Variants in VPS26A observed in about 807,000 individuals in gnomAD.
The protein encoded by VPS26A is vacuolar protein sorting-associated protein 26A.
Under a neutral mutation model 42.4 loss-of-function variants are expected in VPS26A, and 22 were observed. The observed-to-expected ratio is 0.52, with a 90% CI of 0.37 to 0.74. VPS26A has a LOEUF of 0.74. Ranked by LOEUF, VPS26A falls within the 30% of genes least tolerant of loss-of-function variation. VPS26A has a pLI of 0.00. For missense variants in VPS26A, 276 were observed against 379.2 expected, an observed-to-expected ratio of 0.73 and a Z score of 2.26; for synonymous variants, 110 against 123.5, an observed-to-expected ratio of 0.89 and a Z score of 0.73.
At chr10:69,125,606 A>T (rs545267566) in intron 1 of VPS26A, among the ~76,000 whole-genome samples, 2 of 152,348 alleles carry the variant, frequency 1.3e-5, no homozygotes, top group South Asian at 4.1e-4. Context: ...ATTTGTAATT[A>T]TTACTTTTAA....
chr10:69,156,683 T>C (rs1841435147), intron 3 of VPS26A, among the ~76,000 whole-genome samples: 1 of 152,174 alleles, frequency 6.6e-6, no homozygotes, highest in Non-Finnish European at 1.5e-5. Context: ...TAAAGCAAAA[T>C]AGAATTTTTG....
chr10:69,144,414 A>AT (rs1436044713), intron 2 of VPS26A, among the ~76,000 whole-genome samples: 1 of 152,144 alleles, frequency 6.6e-6, no homozygotes, highest in African/African-American at 2.4e-5. Context: ...TCACCTAGTC[A>AT]TGCCGCTCTG....
At chr10:69,160,459 ATT>A (rs749497920) in intron 5 of VPS26A, among the ~76,000 whole-genome samples, 5 of 134,200 alleles carry the variant, frequency 3.7e-5, no homozygotes, top group Non-Finnish European at 4.8e-5. Context: ...CGCCCAACAT[ATT>A]TTTTTTTTTT....
chr10:69,154,268 G>A (rs1841381669), intron 2 of VPS26A, among the ~76,000 whole-genome samples: 1 of 152,150 alleles, frequency 6.6e-6, no homozygotes, highest in African/African-American at 2.4e-5. Context: ...TGGGCGTGAT[G>A]ACTCATGCCT....
intron 2 of VPS26A, among the ~76,000 whole-genome samples, chr10:69,146,518 T>G (rs1184241513): frequency 6.6e-6 from 1 of 152,218 alleles, no homozygotes; most frequent in Non-Finnish European, 1.5e-5. Context: ...AGCTACTATA[T>G]TTCCAAAATT....
Position 69,173,996 on chromosome 10 carries a change from C to G in VPS26A, c.*2727C>G, listed in dbSNP as rs1015904280. 2.6e-5 allele frequency among the ~76,000 whole-genome samples: 4 copies of G among 152,162 alleles called. No homozygotes were observed. The highest frequency in any genetic ancestry group is 9.7e-5 in the African/African-American group (4 of 41,438). Reference sequence around the variant, plus strand: ...CTAGAAGTTTGTAAAATGGACCAACCAGTGTTCTGTAGAATGGACCAATCA... The same window carrying G: ...CTAGAAGTTTGTAAAATGGACCAACGAGTGTTCTGTAGAATGGACCAATCA... On this transcript the variant is annotated 3_prime_UTR_variant, in exon 9 of 9. Transcript: ENST00000263559.
chr10:69,133,729 C>G (rs1378098171), intron 2 of VPS26A: 27 of 611,304 alleles, frequency 4.4e-5, no homozygotes, highest in Non-Finnish European at 1.5e-5. Flanking sequence ...GTTGCTCAAG[C>G]TGGAGTGCAG....
intron 4 of VPS26A, 104 bp from the exon 5 acceptor site, chr10:69,157,943 C>G (rs1193542175): frequency 1.9e-6 from 2 of 1,029,090 alleles, no homozygotes; most frequent in African/African-American, 3.3e-5. Context: ...CAAAGGAGTT[C>G]CAGCAAGGAG....
chr10:69,138,617 G>T (rs1253002961), intron 2 of VPS26A, among the ~76,000 whole-genome samples: 2 of 152,176 alleles, frequency 1.3e-5, no homozygotes, highest in Admixed American at 6.5e-5. Flanking sequence ...TCAGTGGATA[G>T]ATGGGGAGAG....
intron 1 of VPS26A, among the ~76,000 whole-genome samples, chr10:69,130,796 T>C (rs1289012135): frequency 6.6e-6 from 1 of 152,234 alleles, no homozygotes; most frequent in Non-Finnish European, 1.5e-5. Context: ...TGTGTATTCC[T>C]TTTGTGTCTG....
chr10:69,157,020 C>T lies in VPS26A; in HGVS notation c.243C>T (p.Asp81=). ...AAAATTTCTCAGAACTTTTCAATGA[C>T]AAGAGTAATACTCATGAATTTGTAA... The part of the protein sequence containing the change: ...EFVGQIELFN[D]KSNTHEFVNL... Residue 81 remains aspartate, a synonymous_variant, in exon 4 of 9, where the codon GAC becomes GAT. Transcript: ENST00000263559. 1 of 1,595,240 alleles carries T rather than the reference C, an allele frequency of 6.3e-7. No individual in the cohort carries two copies. The highest frequency in any genetic ancestry group is 8.5e-7 in the Non-Finnish European group (1 of 1,171,620).
At position 69,174,232 on chromosome 10, in the gene VPS26A, C is replaced by G. The variant is rs1841884346; in HGVS notation, c.*2963C>G. Among the ~76,000 whole-genome samples the G allele has an allele frequency of 6.6e-6, 1 of 151,978 alleles. No individual in the cohort carries two copies. The highest frequency in any genetic ancestry group is 2.4e-5 in the African/African-American group (1 of 41,386). On this transcript the variant is annotated 3_prime_UTR_variant, in exon 9 of 9. Coordinates refer to ENST00000263559, the MANE Select transcript of VPS26A (RefSeq NM_004896.5). Reference sequence around the variant, plus strand: ...CCACGGCTCCGTTAAGTCAGCGAGACCGCAAACCCACTGGAAGGAACCAAC... The same window carrying G: ...CCACGGCTCCGTTAAGTCAGCGAGAGCGCAAACCCACTGGAAGGAACCAAC...
intron 2 of VPS26A, among the ~76,000 whole-genome samples, chr10:69,140,983 G>T (rs1376946485): frequency 6.6e-6 from 1 of 152,012 alleles, no homozygotes; most frequent in Non-Finnish European, 1.5e-5. Flanking sequence ...TTATGTTTTG[G>T]GATTGTGGGA....
Position 69,124,282 on chromosome 10 carries a change from T to C in VPS26A, c.3+2T>C. On this transcript the variant is annotated splice_donor_variant, in intron 1 of 8. Coordinates refer to ENST00000263559, the MANE Select transcript of VPS26A (RefSeq NM_004896.5). LOFTEE classifies it high-confidence loss of function. ...GACGCGGCGGCGGCGTTGACAATGG[T>C]GAGTGCGCGGCGGCCAGCGCGCTCG... 1 of 1,269,438 alleles carries C rather than the reference T, an allele frequency of 7.9e-7. No homozygotes were observed. The highest frequency in any genetic ancestry group is 1.0e-6 in the Non-Finnish European group (1 of 1,002,806). The allele number at this position is 1,269,438 out of a possible 1,614,324, so 78.6% of individuals were successfully genotyped here. A position where few individuals can be genotyped will look rare whatever the true frequency, so the allele number is the denominator to read the frequency against.
chr10:69,157,101 T>C lies in VPS26A; in HGVS notation c.324T>C (p.Asp108=). 1 of 1,613,640 alleles carries C rather than the reference T, an allele frequency of 6.2e-7. No homozygotes were observed. The highest frequency in any genetic ancestry group is 8.5e-7 in the Non-Finnish European group (1 of 1,179,700). ...PGELTQSRSY[D]FEFMQVEKPY... Reference sequence around the variant, plus strand: ...AACTGACTCAGAGCAGAAGTTATGATTTTGAATTTATGCAAGTTGAAAAGC... The same window carrying C: ...AACTGACTCAGAGCAGAAGTTATGACTTTGAATTTATGCAAGTTGAAAAGC... The change falls in exon 4 of 9, where the codon GAT becomes GAC. Residue 108 remains aspartate (D), a synonymous_variant. Coordinates refer to ENST00000263559, the MANE Select transcript of VPS26A (RefSeq NM_004896.5).
intron 2 of VPS26A, among the ~76,000 whole-genome samples, chr10:69,154,886 C>T (rs540845746): frequency 2.0e-4 from 31 of 152,208 alleles, no homozygotes; most frequent in East Asian, 9.7e-4. Flanking sequence ...TGTGTGTGCG[C>T]GCACGCGCAC....
chr10:69,133,455 T>C, intron 2 of VPS26A: 1 of 862,568 alleles, frequency 1.2e-6, no homozygotes, highest in Non-Finnish European at 1.6e-6. Flanking sequence ...TGGTATAACT[T>C]TCTAAAGGTT....
rs1003642925 is a variant in VPS26A, at chr10:69,173,628, C to G, written c.*2359C>G. 2.0e-5 allele frequency among the ~76,000 whole-genome samples: 3 copies of G among 152,180 alleles called. No homozygotes were observed. Among genetic ancestry groups the G allele is most frequent in the Non-Finnish European group, 4.4e-5 (3 of 68,034 alleles). On this transcript the variant is annotated 3_prime_UTR_variant, in exon 9 of 9. Transcript: ENST00000263559. ...CAAGGGGATTGTAGAATGCACCAAT[C>G]AACACTCTAGCTAGGATTGTAAAAC...
intron 2 of VPS26A, among the ~76,000 whole-genome samples, chr10:69,134,622 G>A (rs1175664882): frequency 6.6e-6 from 1 of 150,782 alleles, no homozygotes; most frequent in Non-Finnish European, 1.5e-5. Context: ...CATTTCTTTG[G>A]TTACTAGATA....
Sources: allele counts gnomAD v4.1 joint callset (sites outside exome capture counted in the v4.1 genomes callset), GRCh38; gene constraint gnomAD v4.1.1; transcripts MANE v1.5; gene names NCBI Gene and HGNC (gene_info 2026-07-23, HGNC 2026-07-21).